KDM4C: variants seen among roughly 807,000 people sequenced by gnomAD.
KDM4C encodes lysine-specific demethylase 4C.
Under a neutral mutation model 129.3 loss-of-function variants are expected in KDM4C, and 81 were observed. That is an observed-to-expected ratio of 0.63 (90% CI 0.52 to 0.75). The LOEUF is 0.75. KDM4C is among the 30% of genes least tolerant of loss of function. The pLI is 0.00. For synonymous variants in KDM4C, 573 were observed against 456.1 expected, an observed-to-expected ratio of 1.26 and a Z score of -3.26; for missense variants, 1,457 against 1,304.0, an observed-to-expected ratio of 1.12 and a Z score of -1.81.
chr9:7,173,237 G>A (rs561937201), intron 21 of KDM4C, among the ~76,000 whole-genome samples: 77 of 152,340 alleles, frequency 5.1e-4, no homozygotes, highest in African/African-American at 1.8e-3. Context: ...TAAGCTTGCC[G>A]AGGGCAGAGA....
At position 6,856,798 on chromosome 9, in the gene KDM4C, C is replaced by T. The variant is rs576698060; in HGVS notation, c.629+7098C>T. Among the ~76,000 whole-genome samples the T allele has an allele frequency of 4.0e-3, 587 of 147,514 alleles. 3 individuals carry two copies. The highest frequency in any genetic ancestry group is 0.013 in the African/African-American group (502 of 39,758). Reference sequence around the variant, plus strand: ...CGGAGTCTCGCTCTGTCGCCCAGGCCGGACTGCGGACTGCAGTGGCGCAAT... The same window carrying T: ...CGGAGTCTCGCTCTGTCGCCCAGGCTGGACTGCGGACTGCAGTGGCGCAAT... On this transcript the variant is annotated intron_variant, in intron 5 of 21. Transcript: ENST00000381309.
chr9:7,140,212 C>T (rs76872975), intron 19 of KDM4C, among the ~76,000 whole-genome samples: 3,210 of 152,036 alleles, frequency 0.021, 130 homozygotes, highest in African/African-American at 0.073. Context: ...ACCTGATGGT[C>T]GCCCTACACT....
intron 12 of KDM4C, among the ~76,000 whole-genome samples, chr9:7,007,051 A>G (rs1305789471): frequency 6.6e-6 from 1 of 152,226 alleles, no homozygotes; most frequent in Admixed American, 6.5e-5. Flanking sequence ...ACATTGATCC[A>G]AGTTAGTATC....
At chr9:6,795,985 G>A (rs929720262) in intron 2 of KDM4C, among the ~76,000 whole-genome samples, 10 of 152,148 alleles carry the variant, frequency 6.6e-5, no homozygotes, top group African/African-American at 2.2e-4. Context: ...TCCTAGAAAA[G>A]TTTTAAAATT....
At chr9:7,077,516 A>T (rs555863553) in intron 17 of KDM4C, among the ~76,000 whole-genome samples, 1 of 152,332 alleles carries the variant, frequency 6.6e-6, no homozygotes, top group East Asian at 1.9e-4. Context: ...TGATATCTTT[A>T]TTCCCATTTT....
At chr9:6,983,332 A>C (rs891150820) in intron 9 of KDM4C, among the ~76,000 whole-genome samples, 2 of 152,168 alleles carry the variant, frequency 1.3e-5, no homozygotes, top group Non-Finnish European at 2.9e-5. Flanking sequence ...TTTGTTTCAT[A>C]TGTAAAAAGC....
chr9:6,991,373 T>G (rs189778900), intron 12 of KDM4C, among the ~76,000 whole-genome samples: 1 of 152,332 alleles, frequency 6.6e-6, no homozygotes, highest in East Asian at 1.9e-4. Context: ...CATTAGCCAC[T>G]GCATGCCTGG....
At chr9:6,783,589 A>T (rs1219764624) in intron 1 of KDM4C, among the ~76,000 whole-genome samples, 1 of 152,140 alleles carries the variant, frequency 6.6e-6, no homozygotes, top group Non-Finnish European at 1.5e-5. Flanking sequence ...GACTTGCAGC[A>T]TACCAATAGT....
chr9:7,125,285 A>G (rs1457066878), intron 18 of KDM4C, among the ~76,000 whole-genome samples: 1 of 152,094 alleles, frequency 6.6e-6, no homozygotes, highest in Non-Finnish European at 1.5e-5. Context: ...TTCTTCCCCT[A>G]ATTCTGACTG....
intron 8 of KDM4C, among the ~76,000 whole-genome samples, chr9:6,906,967 T>C (rs1396704342): frequency 6.6e-6 from 1 of 152,228 alleles, no homozygotes; most frequent in African/African-American, 2.4e-5. Flanking sequence ...ATTTATGATA[T>C]GGATCAAGGA....
chr9:6,983,874 C>T (rs750854176), intron 9 of KDM4C, among the ~76,000 whole-genome samples: 1 of 151,458 alleles, frequency 6.6e-6, no homozygotes, highest in Non-Finnish European at 1.5e-5. Flanking sequence ...TTTTTATTTT[C>T]AGACTTTTAA....
chr9:7,150,433 C>T (rs1344428422), intron 19 of KDM4C, among the ~76,000 whole-genome samples: 1 of 152,188 alleles, frequency 6.6e-6, no homozygotes, highest in African/African-American at 2.4e-5. Context: ...TAACTACCTA[C>T]AGTCACACAC....
At position 6,893,300 on chromosome 9, in the gene KDM4C, C is replaced by T. The variant is rs186980939; in HGVS notation, c.921+68C>T. The T allele has an allele frequency of 1.0e-3, 1,318 of 1,278,108 alleles. 12 individuals carry two copies. In the African/African-American group the frequency reaches 0.017, roughly 16 times the overall value. 79.2% of individuals were successfully genotyped at this position (1,278,108 alleles called of 1,614,324 possible). On this transcript the variant is annotated intron_variant, in intron 8 of 21. Transcript: ENST00000381309. ...TCTGGTTATTTTAGTAGGAACCCTA[C>T]GATCCTGTGCAGCATTTATTTATTC... is the stretch of plus-strand genomic sequence containing the variant.
intron 8 of KDM4C, among the ~76,000 whole-genome samples, chr9:6,963,412 C>T (rs1442725587): frequency 2.6e-5 from 4 of 152,168 alleles, no homozygotes; most frequent in Admixed American, 6.5e-5. Flanking sequence ...ACAGGAAGCC[C>T]AGAGGCTGAC....
At chr9:6,780,623 C>T (rs547939140) in intron 1 of KDM4C, among the ~76,000 whole-genome samples, 3 of 151,754 alleles carry the variant, frequency 2.0e-5, no homozygotes, top group Admixed American at 1.3e-4. Context: ...GAAAATTAGC[C>T]GGGTGTGATA....
chr9:6,919,893 T>C (rs1000858474), intron 8 of KDM4C, among the ~76,000 whole-genome samples: 1 of 152,128 alleles, frequency 6.6e-6, no homozygotes, highest in African/African-American at 2.4e-5. Context: ...TTTTCTATTC[T>C]CTCTTTAAAT....
intron 1 of KDM4C, among the ~76,000 whole-genome samples, chr9:6,728,065 G>C (rs1588032938): frequency 1.6e-4 from 4 of 25,480 alleles, no homozygotes; most frequent in South Asian, 2.2e-3. Flanking sequence ...CCATGAAGCT[G>C]CAAAAAAAAA....
At chr9:7,049,632 A>G (rs967995886) in intron 17 of KDM4C, among the ~76,000 whole-genome samples, 3 of 152,132 alleles carry the variant, frequency 2.0e-5, no homozygotes, top group African/African-American at 7.2e-5. Context: ...ACACAGAGAA[A>G]TAAAGAAGCT....
At chr9:6,745,598 A>AAT (rs1563923698) in intron 1 of KDM4C, among the ~76,000 whole-genome samples, 1 of 145,390 alleles carries the variant, frequency 6.9e-6, no homozygotes, top group African/African-American at 2.5e-5. Context: ...AAAAAAAAAA[A>AAT]TGCCATACTA....
Sources: allele counts gnomAD v4.1 joint callset (sites outside exome capture counted in the v4.1 genomes callset), GRCh38; gene constraint gnomAD v4.1.1; transcripts MANE v1.5; gene names NCBI Gene and HGNC (gene_info 2026-07-23, HGNC 2026-07-21).